Variants in SLC25A13 observed in about 807,000 individuals in gnomAD.
SLC25A13 encodes electrogenic aspartate/glutamate antiporter SLC25A13, mitochondrial.
Under a neutral mutation model 85.5 loss-of-function variants are expected in SLC25A13, and 70 were observed. That is an observed-to-expected ratio of 0.82 (90% confidence interval 0.68 to 1.00). SLC25A13 has a LOEUF of 1.00. SLC25A13 is among the 50% of genes least tolerant of loss of function. The pLI is 0.00. For synonymous variants in SLC25A13, 259 were observed against 288.7 expected (o/e 0.90, Z 1.04); for missense variants, 765 against 819.8 (o/e 0.93, Z 0.82).
At chr7:96,143,311 G>T (rs1391945253) in intron 14 of SLC25A13, among the ~76,000 whole-genome samples, 1 of 152,194 alleles carries the variant, frequency 6.6e-6, no homozygotes, top group Non-Finnish European at 1.5e-5. Context: ...AAAGTAGATG[G>T]ATACAACTTT....
chr7:96,152,288 C>A (rs1471242348), intron 13 of SLC25A13, among the ~76,000 whole-genome samples: 1 of 152,098 alleles, frequency 6.6e-6, no homozygotes, highest in African/African-American at 2.4e-5. Context: ...AGCTTAGGAG[C>A]TGTAGAGGTC....
chr7:96,192,918 TC>T lies in SLC25A13; in HGVS notation c.615+118del, dbSNP rs1794913465. 7.6e-5 allele frequency: 85 copies of T among 1,118,520 alleles called. 1 individual carries two copies. In the South Asian group the frequency reaches 1.1e-3, roughly 15 times the overall value. The allele number at this position is 1,118,520 out of a possible 1,614,324, so 69.3% of individuals were successfully genotyped here. A position where few individuals can be genotyped will look rare whatever the true frequency, so the allele number is the denominator to read the frequency against. The stretch of plus-strand genomic sequence containing the variant: ...TGTTTGAGTTTAGTAATGTATGTGA[TC>T]ACATTAAAATGTTAGTGTTTGCAAC... On this transcript the variant is annotated intron_variant, in intron 6 of 17. Transcript: ENST00000265631.
Position 96,184,982 on chromosome 7 carries a change from A to G in SLC25A13, c.963T>C (p.Val321=), listed in dbSNP as rs1794572364. The change falls in exon 10 of 18, where the codon GTT becomes GTC. Residue 321 remains valine (V), a synonymous_variant. Transcript: ENST00000265631. The stretch of plus-strand genomic sequence containing the variant: ...AGGCCGACTCTGCAACTTGTAGAAG[A>G]ACTGGTCGAGCTGAATCACCTGAGG... ...QKASGDSARP[V]LLQVAESAYR... 3.7e-6 allele frequency: 6 copies of G among 1,614,086 alleles called. No individual in the cohort carries two copies. The highest frequency in any genetic ancestry group is 4.2e-6 in the Non-Finnish European group (5 of 1,180,030).
At position 96,156,001 on chromosome 7, in the gene SLC25A13, T is replaced by A. The variant is rs562172094; in HGVS notation, c.1312-9305A>T. On this transcript the variant is annotated intron_variant, in intron 13 of 17. Coordinates refer to ENST00000265631, the MANE Select transcript of SLC25A13 (RefSeq NM_014251.3). The stretch of plus-strand genomic sequence containing the variant: ...TGAAAAAGCAGATTCAATACAACAA[T>A]TCATTTTCAGTTTTTTCTTTCCTGT... 1.3e-5 allele frequency among the ~76,000 whole-genome samples: 2 copies of A among 152,336 alleles called. 1 individual carries two copies. Among genetic ancestry groups the A allele is most frequent in the Admixed American group, 1.3e-4 (2 of 15,308 alleles).
intron 3 of SLC25A13, among the ~76,000 whole-genome samples, chr7:96,256,066 C>G (rs1204149549): frequency 1.3e-5 from 2 of 152,106 alleles, no homozygotes; most frequent in Admixed American, 6.5e-5. Flanking sequence ...ACAAGAACTC[C>G]TGAAGGAAGC....
At chr7:96,199,958 T>C (rs1341881775) in intron 5 of SLC25A13, among the ~76,000 whole-genome samples, 1 of 152,036 alleles carries the variant, frequency 6.6e-6, no homozygotes, top group Non-Finnish European at 1.5e-5. Context: ...GACATGCAAG[T>C]TTGTGCTTTA....
intron 4 of SLC25A13, among the ~76,000 whole-genome samples, chr7:96,229,811 T>A (rs547508036): frequency 1.9e-4 from 29 of 152,016 alleles, no homozygotes; most frequent in African/African-American, 6.8e-4. Context: ...CATCCAAACA[T>A]AAGAAGGAAC....
At chr7:96,298,396 C>T (rs1490728359) in intron 1 of SLC25A13, among the ~76,000 whole-genome samples, 1 of 151,922 alleles carries the variant, frequency 6.6e-6, no homozygotes, top group Non-Finnish European at 1.5e-5. Context: ...CAGCTGAGTG[C>T]TTGTAACCAC....
At chr7:96,306,981 G>T in intron 1 of SLC25A13, 1 of 836,146 alleles carries the variant, frequency 1.2e-6, no homozygotes. Context: ...CAGCACCGAT[G>T]GCTTCCCTTT....
At chr7:96,189,006 C>G (rs1028967083) in intron 9 of SLC25A13, among the ~76,000 whole-genome samples, 2 of 152,340 alleles carry the variant, frequency 1.3e-5, no homozygotes, top group Middle Eastern at 3.4e-3. Flanking sequence ...CATGAGACTT[C>G]AAGAAAGGAG....
chr7:96,129,035 C>T lies in SLC25A13; in HGVS notation c.1591+2708G>A, dbSNP rs182004203. 1.3e-3 allele frequency among the ~76,000 whole-genome samples: 189 copies of T among 146,164 alleles called. 1 individual carries two copies. The highest frequency in any genetic ancestry group is 1.9e-3 in the Non-Finnish European group (127 of 67,000). On this transcript the variant is annotated intron_variant, in intron 15 of 17. Coordinates refer to ENST00000265631, the MANE Select transcript of SLC25A13 (RefSeq NM_014251.3). ...ATGTTGTGAGGGTATCCAAGTTGAC[C>T]AATGGAGAGGCCCACATGACAAGGA...
chr7:96,225,670 T>C (rs1320140295), intron 4 of SLC25A13, among the ~76,000 whole-genome samples: 1 of 152,082 alleles, frequency 6.6e-6, no homozygotes, highest in Non-Finnish European at 1.5e-5. Flanking sequence ...GGCCATCACT[T>C]CCAGACCCCC....
chr7:96,251,574 C>T (rs534257909), intron 3 of SLC25A13, among the ~76,000 whole-genome samples: 2 of 152,188 alleles, frequency 1.3e-5, no homozygotes, highest in African/African-American at 4.8e-5. Context: ...TGCAGGGTCA[C>T]ATCATTGGGT....
At chr7:96,243,977 A>C (rs1164356212) in intron 3 of SLC25A13, among the ~76,000 whole-genome samples, 2 of 152,192 alleles carry the variant, frequency 1.3e-5, no homozygotes. Context: ...TACGAAGAAC[A>C]CTCAAGACAC....
intron 13 of SLC25A13, among the ~76,000 whole-genome samples, chr7:96,158,259 C>T (rs950266202): frequency 3.9e-5 from 6 of 152,314 alleles, no homozygotes; most frequent in African/African-American, 1.4e-4. Flanking sequence ...CTTCTTACGC[C>T]TCCCAACCCC....
chr7:96,135,733 C>T (rs42998), intron 14 of SLC25A13, among the ~76,000 whole-genome samples: 6,637 of 152,048 alleles, frequency 0.044, 210 homozygotes, highest in Middle Eastern at 0.085. Flanking sequence ...CTAGAGCCTG[C>T]ATCAGCAACA....
chr7:96,297,279 C>T lies in SLC25A13; in HGVS notation c.16-328G>A, dbSNP rs919498389. ...TACTTATAATCCAGTGTAAACCATG[C>T]CCTTTCACAGGAGAATTTAAGTAAA... On this transcript the variant is annotated intron_variant, in intron 1 of 17. Coordinates refer to ENST00000265631, the MANE Select transcript of SLC25A13 (RefSeq NM_014251.3). Among the ~76,000 whole-genome samples the T allele has an allele frequency of 4.6e-5, 7 of 151,906 alleles. No homozygotes were observed. In the South Asian group the frequency reaches 1.2e-3, roughly 27 times the overall value.
intron 5 of SLC25A13, among the ~76,000 whole-genome samples, chr7:96,206,821 G>T (rs762553577): frequency 3.3e-5 from 5 of 152,160 alleles, no homozygotes; most frequent in Non-Finnish European, 7.3e-5. Flanking sequence ...CTGGAGGAAG[G>T]CCCAGAGGCT....
chr7:96,290,469 A>T (rs1275230112), intron 2 of SLC25A13, among the ~76,000 whole-genome samples: 1 of 152,068 alleles, frequency 6.6e-6, no homozygotes, highest in Admixed American at 6.6e-5. Flanking sequence ...CAATTAAAAG[A>T]CACAGACTGG....
Sources: allele counts gnomAD v4.1 joint callset (sites outside exome capture counted in the v4.1 genomes callset), GRCh38; gene constraint gnomAD v4.1.1; transcripts MANE v1.5; gene names NCBI Gene and HGNC (gene_info 2026-07-23, HGNC 2026-07-21).